The following IL18R1 variants were observed in gnomAD, a reference collection of about 807,000 sequenced individuals.
IL18R1 encodes interleukin 18 receptor 1.
IL18R1 carries 40 observed loss-of-function variants against 48.5 expected under a neutral mutation model. The observed-to-expected ratio is 0.82, with a 90% CI of 0.64 to 1.07. The LOEUF (loss-of-function observed/expected upper bound fraction) is 1.07. Among genes scored for constraint, IL18R1 ranks in the 50% least tolerant of loss-of-function variants. The pLI is 0.00. For missense variants in IL18R1, 596 were observed against 633.7 expected (o/e 0.94, Z 0.64); for synonymous variants, 232 against 225.9 (o/e 1.03, Z -0.24).
chr2:102,386,261 C>T (rs1214353569), intron 7 of IL18R1, among the ~76,000 whole-genome samples: 1 of 152,144 alleles, frequency 6.6e-6, no homozygotes, highest in Admixed American at 6.6e-5. Flanking sequence ...CTGGCATCAA[C>T]CACAGGACAA....
At chr2:102,381,444 T>A (rs1312454958) in intron 5 of IL18R1, among the ~76,000 whole-genome samples, 176 bp from the exon 6 acceptor site, 1 of 152,184 alleles carries the variant, frequency 6.6e-6, no homozygotes, top group Non-Finnish European at 1.5e-5. Flanking sequence ...GAAAACCAGA[T>A]ACAAGGTGCT....
Position 102,390,231 on chromosome 2 carries a change from T to C in IL18R1, c.1111+14T>C, listed in dbSNP as rs11465652. ...AAACATTAACAGGTAACACATATAA[T>C]GCTGGAATTTCTTACCTTATGTTCT... On this transcript the variant is annotated intron_variant, in intron 9 of 10. Transcript: ENST00000233957. 1.2e-3 allele frequency: 1,896 copies of C among 1,609,716 alleles called. 17 individuals carry two copies. The highest frequency in any genetic ancestry group is 4.3e-4 in the Non-Finnish European group (506 of 1,176,170).
chr2:102,376,046 A>C lies in IL18R1; in HGVS notation c.608A>C (p.Asn203Thr). The change falls in exon 5 of 11, where the codon AAT (asparagine) becomes ACT (threonine). Residue 203 changes from asparagine (N) to threonine (T), a missense_variant. Asn to Thr is a moderately conservative substitution (Grantham distance 65, BLOSUM62 0). This residue lies in a region of IL18R1 where 360 missense variants were observed against 339.4 expected (regional missense o/e 1.06). Coordinates refer to ENST00000233957, the MANE Select transcript of IL18R1 (RefSeq NM_003855.5). Reference sequence around the variant, plus strand: ...CTATTTAATATCACCAAAACCTTCAATATAACAATAGTGGAAGGTAAGGGA... The same window carrying C: ...CTATTTAATATCACCAAAACCTTCACTATAACAATAGTGGAAGGTAAGGGA... ...GKLFNITKTF[N>T]ITIVEDRSNI... 6.3e-7 allele frequency: 1 copy of C among 1,587,312 alleles called. No homozygotes were observed.
At chr2:102,378,302 T>A (rs1242021041) in intron 5 of IL18R1, among the ~76,000 whole-genome samples, 8 of 152,216 alleles carry the variant, frequency 5.3e-5, no homozygotes, top group Non-Finnish European at 1.2e-4. Flanking sequence ...CCTCTCTGCC[T>A]CAGATTCCTC....
intron 9 of IL18R1, among the ~76,000 whole-genome samples, chr2:102,392,094 A>T (rs138847940): frequency 1.4e-3 from 217 of 152,318 alleles, no homozygotes; most frequent in African/African-American, 4.7e-3. Context: ...TGGATTTGGG[A>T]TCATAAGCAA....
At chr2:102,374,394 A>G (rs1418163611) in intron 4 of IL18R1, among the ~76,000 whole-genome samples, 1 of 152,168 alleles carries the variant, frequency 6.6e-6, no homozygotes, top group Non-Finnish European at 1.5e-5. Context: ...TAAACACTCG[A>G]ATCAGTCCTG....
Position 102,356,269 on chromosome 2 carries a change from A to C in IL18R1, c.-160A>C, listed in dbSNP as rs1178281139. 1 of 840,488 alleles carries C rather than the reference A, an allele frequency of 1.2e-6. No individual in the cohort carries two copies. Among genetic ancestry groups the C allele is most frequent in the Admixed American group, 7.5e-5 (1 of 13,320 alleles). The allele number at this position is 840,488 out of a possible 1,614,324, so 52.1% of individuals were successfully genotyped here. ...ATCTCTTTAATCACACCTCTCTTTC[A>C]CTTTCCACGGTAGTCAGGAGGCGGA... On this transcript the variant is annotated 5_prime_UTR_variant, in exon 1 of 11. Transcript: ENST00000233957.
intron 4 of IL18R1, among the ~76,000 whole-genome samples, chr2:102,374,274 G>C (rs1257579625): frequency 6.6e-6 from 1 of 152,120 alleles, no homozygotes; most frequent in Non-Finnish European, 1.5e-5. Flanking sequence ...ACAGAACTTG[G>C]GAAATCTGAA....
intron 10 of IL18R1, among the ~76,000 whole-genome samples, chr2:102,396,243 T>C (rs1680817838): frequency 6.6e-6 from 1 of 152,158 alleles, no homozygotes. Flanking sequence ...ATGGAGGTGA[T>C]AACAGTATCT....
intron 3 of IL18R1, among the ~76,000 whole-genome samples, chr2:102,369,728 A>G (rs3771167): frequency 0.11 from 16,511 of 152,284 alleles, 984 homozygotes; most frequent in Non-Finnish European, 0.13. Flanking sequence ...TGTGGGATCT[A>G]TCAGTGAACA....
intron 5 of IL18R1, 118 bp from the exon 6 acceptor site, chr2:102,381,502 G>A (rs577382641): frequency 1.9e-5 from 14 of 739,794 alleles, no homozygotes; most frequent in South Asian, 3.2e-5. Flanking sequence ...TCAAGTGAAC[G>A]TAAACCAGTA....
intron 1 of IL18R1, 27 bp downstream of exon 1, chr2:102,356,427 C>T (rs1425388625): frequency 1.5e-6 from 1 of 669,816 alleles, no homozygotes; most frequent in East Asian, 1.3e-4. Context: ...CTGCCACCCG[C>T]ATCCCCTCCC....
rs1573235130 is a variant in IL18R1, at chr2:102,394,721, A to C, written c.1270+94A>C. Reference sequence around the variant, plus strand: ...CCAGAGAGCTATCCCATTTTCCTTAAAAACAAATGAATAAGGTCCTTTAAG... The same window carrying C: ...CCAGAGAGCTATCCCATTTTCCTTACAAACAAATGAATAAGGTCCTTTAAG... On this transcript the variant is annotated intron_variant, in intron 10 of 10. Coordinates refer to ENST00000233957, the MANE Select transcript of IL18R1 (RefSeq NM_003855.5). 2.8e-6 allele frequency: 3 copies of C among 1,088,678 alleles called. No homozygotes were observed. In the East Asian group the frequency reaches 7.9e-5, roughly 29 times the overall value. The allele number at this position is 1,088,678 out of a possible 1,614,324, so 67.4% of individuals were successfully genotyped here.
At chr2:102,380,086 C>T (rs993175687) in intron 5 of IL18R1, among the ~76,000 whole-genome samples, 2 of 152,198 alleles carry the variant, frequency 1.3e-5, no homozygotes, top group African/African-American at 4.8e-5. Context: ...TATGCTCTGG[C>T]TGATCGGGTG....
intron 5 of IL18R1, among the ~76,000 whole-genome samples, chr2:102,376,341 T>C (rs1390395253): frequency 6.6e-6 from 1 of 152,234 alleles, no homozygotes; most frequent in Admixed American, 6.5e-5. Flanking sequence ...GAATCTTTTG[T>C]TGTTGAATTT....
At chr2:102,389,970 A>T in intron 8 of IL18R1, 86 bp from the exon 9 acceptor site, 1 of 1,313,080 alleles carries the variant, frequency 7.6e-7, no homozygotes, top group East Asian at 2.4e-5. Context: ...TAGTGTTAGC[A>T]GTAAAAATGG....
rs1680899885 is a variant in IL18R1 at position 102,397,799 on chromosome 2, A to C, written c.*913A>C. ...GTGGCAGTTAAGAGATGGGCTGTGC[A>C]GCCCATCCTGAGCTCCAGTCCTGAG... is the stretch of plus-strand genomic sequence containing the variant. On this transcript the variant is annotated 3_prime_UTR_variant, in exon 11 of 11. Coordinates refer to ENST00000233957, the MANE Select transcript of IL18R1 (RefSeq NM_003855.5). 6.6e-6 allele frequency: 1 copy of C among 152,340 alleles called. No individual in the cohort carries two copies. The highest frequency in any genetic ancestry group is 1.5e-5 in the Non-Finnish European group (1 of 68,026). 9.4% of individuals were successfully genotyped at this position (152,340 alleles called of 1,614,324 possible).
At chr2:102,394,178 T>C (rs1181637173) in intron 9 of IL18R1, among the ~76,000 whole-genome samples, 1 of 152,156 alleles carries the variant, frequency 6.6e-6, no homozygotes, top group East Asian at 1.9e-4. Flanking sequence ...CTTTGGGCTC[T>C]TGGCCTTCTA....
chr2:102,394,643 A>G lies in IL18R1; in HGVS notation c.1270+16A>G. ...CCTGGAGGAGGTAAGAGGGAATGCC[A>G]GATAGAAAAATATTCAAGATAGTTT... On this transcript the variant is annotated intron_variant, in intron 10 of 10. Coordinates refer to ENST00000233957, the MANE Select transcript of IL18R1 (RefSeq NM_003855.5). 6.4e-7 allele frequency: 1 copy of G among 1,573,796 alleles called. No homozygotes were observed. The highest frequency in any genetic ancestry group is 8.7e-7 in the Non-Finnish European group (1 of 1,154,152).
Sources: gnomAD v4.1 joint callset for allele counts (sites outside exome capture counted in the v4.1 genomes callset) on GRCh38, gnomAD v4.1.1 for gene constraint, gnomAD v4.1.1 regional missense constraint, MANE v1.5 for transcripts, NCBI Gene and HGNC (gene_info 2026-07-23, HGNC 2026-07-21) for gene names.